Variants in IGF1R observed in about 807,000 individuals in gnomAD.
IGF1R encodes insulin like growth factor 1 receptor, also known as insulin-like growth factor 1 receptor.
A neutral mutation model predicts 144.6 loss-of-function variants in IGF1R; 44 were observed. The observed-to-expected ratio is 0.30, with a 90% CI of 0.24 to 0.39. The LOEUF (loss-of-function observed/expected upper bound fraction) is 0.39. IGF1R is among the 10% of genes least tolerant of loss of function. IGF1R has a pLI of 1.00. For missense variants in IGF1R, 1,355 were observed against 1,833.7 expected, an observed-to-expected ratio of 0.74 and a Z score of 4.77; for synonymous variants, 795 against 722.8, an observed-to-expected ratio of 1.10 and a Z score of -1.60.
chr15:98,699,714 T>C (rs2053679631), intron 1 of IGF1R, among the ~76,000 whole-genome samples: 1 of 152,162 alleles, frequency 6.6e-6, no homozygotes, highest in Non-Finnish European at 1.5e-5. Flanking sequence ...TCTTAGTAAG[T>C]TCTTTGCTGT....
intron 2 of IGF1R, among the ~76,000 whole-genome samples, chr15:98,828,271 C>T (rs1021667244): frequency 1.3e-5 from 2 of 151,942 alleles, no homozygotes; most frequent in African/African-American, 4.9e-5. Context: ...GGAAGGGCTG[C>T]TGTTGGGAAC....
At chr15:98,693,439 G>A (rs2053525078) in intron 1 of IGF1R, among the ~76,000 whole-genome samples, 1 of 152,176 alleles carries the variant, frequency 6.6e-6, no homozygotes, top group South Asian at 2.1e-4. Flanking sequence ...TGGGGCTGCT[G>A]TCCTTCAGCC....
intron 11 of IGF1R, 50 bp downstream of exon 11, chr15:98,922,481 G>T (rs748061194): frequency 6.3e-7 from 1 of 1,592,946 alleles, no homozygotes; most frequent in Non-Finnish European, 8.5e-7. Flanking sequence ...ACAACCTAGT[G>T]GAGAAGATGT....
In IGF1R at chr15:98,923,997, C is replaced by T. The variant is rs573560124; in HGVS notation, c.2607C>T (p.Tyr869=). ...TGATTCTAATGTATGAAATAAAATA[C>T]GGATCACAAGTTGAGGTAGGACTGG... ...NGLILMYEIK[Y]GSQVEDQREC... The change falls in exon 12 of 21, where the codon TAC becomes TAT. Residue 869 remains tyrosine (Y), a synonymous_variant. Transcript: ENST00000650285. 7.1e-5 allele frequency: 114 copies of T among 1,613,896 alleles called. 1 individual carries two copies. Among genetic ancestry groups the T allele is most frequent in the Admixed American group, 4.8e-4 (29 of 60,006 alleles).
intron 1 of IGF1R, among the ~76,000 whole-genome samples, chr15:98,703,831 C>G (rs2053795066): frequency 6.6e-6 from 1 of 152,322 alleles, no homozygotes; most frequent in East Asian, 1.9e-4. Flanking sequence ...TGTTGTTTCA[C>G]TAGGTACTGA....
In IGF1R at chr15:98,960,297, TTTG is replaced by T. The variant is rs375554267; in HGVS notation, c.*2858_*2860del. On this transcript the variant is annotated 3_prime_UTR_variant, in exon 21 of 21. Transcript: ENST00000650285. ...AGATGTCCTGTTTTGTGTTGCTTTT[TTTG>T]TTTTGTTTTCTATCTTGGTTTCCAC... 0.16 allele frequency: 37,608 copies of T among 231,356 alleles called. 3,366 individuals carry two copies. The highest frequency in any genetic ancestry group is 0.35 in the East Asian group (5,731 of 16,416). The allele number at this position is 231,356 out of a possible 1,614,324, so 14.3% of individuals were successfully genotyped here.
chr15:98,942,123 G>T (rs1286576812), intron 18 of IGF1R, among the ~76,000 whole-genome samples: 1 of 152,120 alleles, frequency 6.6e-6, no homozygotes, highest in African/African-American at 2.4e-5. Flanking sequence ...TTGTCATCAT[G>T]AATTGTTACC....
At chr15:98,772,476 A>AATTATTATT (rs147636909) in intron 2 of IGF1R, among the ~76,000 whole-genome samples, 2,536 of 62,472 alleles carry the variant, frequency 0.041, 98 homozygotes, top group African/African-American at 0.095. Flanking sequence ...GTCACTTAAA[A>AATTATTATT]ATTATTATTA....
intron 2 of IGF1R, among the ~76,000 whole-genome samples, chr15:98,729,253 C>T (rs1451233297): frequency 2.0e-5 from 3 of 152,236 alleles, no homozygotes; most frequent in African/African-American, 4.8e-5. Flanking sequence ...ATTATATGTA[C>T]TCTGATTCTT....
chr15:98,886,271 T>C (rs181089526), intron 2 of IGF1R, among the ~76,000 whole-genome samples: 239 of 152,276 alleles, frequency 1.6e-3, no homozygotes, highest in African/African-American at 5.5e-3. Flanking sequence ...GGCTGATGTG[T>C]GTGACTCTTT....
At chr15:98,919,094 T>G (rs2015376663) in intron 10 of IGF1R, among the ~76,000 whole-genome samples, 1 of 152,210 alleles carries the variant, frequency 6.6e-6, no homozygotes, top group South Asian at 2.1e-4. Flanking sequence ...CTAGAAAGAT[T>G]GCAAAGAGGT....
At chr15:98,784,661 T>C (rs1295984134) in intron 2 of IGF1R, among the ~76,000 whole-genome samples, 2 of 152,114 alleles carry the variant, frequency 1.3e-5, no homozygotes, top group African/African-American at 4.8e-5. Flanking sequence ...CCTTCAGTTC[T>C]ACATCTGCGG....
At chr15:98,798,824 G>A (rs914632018) in intron 2 of IGF1R, among the ~76,000 whole-genome samples, 3 of 152,132 alleles carry the variant, frequency 2.0e-5, no homozygotes, top group Non-Finnish European at 2.9e-5. Flanking sequence ...TGGGGGGTGA[G>A]ATGGCATAGG....
intron 19 of IGF1R, among the ~76,000 whole-genome samples, chr15:98,943,319 G>T (rs759537950): frequency 6.6e-6 from 1 of 152,180 alleles, no homozygotes; most frequent in Non-Finnish European, 1.5e-5. Flanking sequence ...ATGTTTCCAG[G>T]AGGTGGGATG....
intron 2 of IGF1R, among the ~76,000 whole-genome samples, chr15:98,722,978 C>G (rs2054278224): frequency 6.6e-6 from 1 of 151,878 alleles, no homozygotes; most frequent in South Asian, 2.1e-4. Flanking sequence ...TGTGGCTGAA[C>G]AGAAACTGGT....
chr15:98,939,402 A>C, intron 18 of IGF1R, 42 bp downstream of exon 18: 1 of 1,599,834 alleles, frequency 6.3e-7, no homozygotes, highest in Non-Finnish European at 8.6e-7. Context: ...AACTAAACTC[A>C]GGTGTTTTGA....
At chr15:98,913,826 C>A (rs144759262) in intron 8 of IGF1R, among the ~76,000 whole-genome samples, 157 of 152,334 alleles carry the variant, frequency 1.0e-3, no homozygotes, top group African/African-American at 3.7e-3. Flanking sequence ...CATTTCTCAA[C>A]TCCAGATCTG....
intron 2 of IGF1R, among the ~76,000 whole-genome samples, chr15:98,717,122 C>T (rs983923857): frequency 2.0e-5 from 3 of 152,156 alleles, no homozygotes; most frequent in African/African-American, 7.2e-5. Flanking sequence ...TTTTAAACTA[C>T]GTTCCTGTGT....
rs530759574 is a variant in IGF1R at position 98,651,175 on chromosome 15, G to T, written c.94+1500G>T. 3 of 558,666 alleles carry T rather than the reference G, an allele frequency of 5.4e-6. No homozygotes were observed. The East Asian group carries it at 4.3e-4, about 80-fold the overall frequency. The allele number at this position is 558,666 out of a possible 1,614,324, so 34.6% of individuals were successfully genotyped here. A position where few individuals can be genotyped will look rare whatever the true frequency, so the allele number is the denominator to read the frequency against. Reference sequence around the variant, plus strand: ...CACGAGTGAGGCGGGGAAGGAGGAGGCAGCGGAGGTTGTATGGCCCCATCA... The same window carrying T: ...CACGAGTGAGGCGGGGAAGGAGGAGTCAGCGGAGGTTGTATGGCCCCATCA... On this transcript the variant is annotated intron_variant, in intron 1 of 20. Transcript: ENST00000650285.
Sources: gnomAD v4.1 joint callset for allele counts (sites outside exome capture counted in the v4.1 genomes callset) on GRCh38, gnomAD v4.1.1 for gene constraint, MANE v1.5 for transcripts, NCBI Gene and HGNC (gene_info 2026-07-23, HGNC 2026-07-21) for gene names.